The following TSHZ3 variants were observed in gnomAD, a reference collection of about 807,000 sequenced individuals.
The protein encoded by TSHZ3 is teashirt zinc finger homeobox 3.
TSHZ3 carries 10 observed loss-of-function variants against 64.5 expected under a neutral mutation model. That is an observed-to-expected ratio of 0.16 (90% CI 0.10 to 0.26). TSHZ3 has a LOEUF of 0.26. TSHZ3 is among the 10% of genes least tolerant of loss of function. The pLI is 1.00. For missense variants in TSHZ3, 1,242 were observed against 1,421.7 expected, an observed-to-expected ratio of 0.87 and a Z score of 2.03; for synonymous variants, 608 against 593.1, an observed-to-expected ratio of 1.03 and a Z score of -0.36.
chr19:31,254,261 G>T (rs1023282564), intron 1 of TSHZ3, among the ~76,000 whole-genome samples: 4 of 152,204 alleles, frequency 2.6e-5, no homozygotes, highest in Non-Finnish European at 4.4e-5. Context: ...GGTCATGCCT[G>T]GTTAGGGATG....
chr19:31,303,971 T>C (rs1599636878), intron 1 of TSHZ3, among the ~76,000 whole-genome samples: 2 of 123,588 alleles, frequency 1.6e-5, no homozygotes, highest in East Asian at 4.6e-4. Flanking sequence ...CACTCTTTTT[T>C]TTATTTTCAT....
intron 5 of TSHZ3, among the ~76,000 whole-genome samples, chr19:31,188,585 C>A (rs1044034509): frequency 6.7e-6 from 1 of 150,266 alleles, no homozygotes; most frequent in African/African-American, 2.4e-5. Context: ...TGGTTTTTTC[C>A]TTCTTTCATT....
At chr19:31,285,725 A>G (rs917819037) in intron 1 of TSHZ3, among the ~76,000 whole-genome samples, 1 of 130,664 alleles carries the variant, frequency 7.7e-6, no homozygotes, top group Admixed American at 9.2e-5. Context: ...TGGAGACTGC[A>G]GTGAGCTGTG....
intron 5 of TSHZ3, among the ~76,000 whole-genome samples, chr19:31,159,608 G>A (rs1974347294): frequency 6.6e-6 from 1 of 152,160 alleles, no homozygotes; most frequent in South Asian, 2.1e-4. Flanking sequence ...GCTTCAAGAT[G>A]TGAATGTGCT....
intron 1 of TSHZ3, among the ~76,000 whole-genome samples, chr19:31,288,683 C>T (rs944267752): frequency 6.6e-6 from 1 of 152,322 alleles, no homozygotes; most frequent in Non-Finnish European, 1.5e-5. Context: ...GCTGGAACTA[C>T]AGGTAAGCAC....
chr19:31,271,685 C>A (rs899760417), downstream of TSHZ3, among the ~76,000 whole-genome samples: 3 of 152,156 alleles, frequency 2.0e-5, no homozygotes, highest in Non-Finnish European at 4.4e-5. Flanking sequence ...CAGCTGAATG[C>A]TGAAAGGCAT....
intron 5 of TSHZ3, among the ~76,000 whole-genome samples, chr19:31,184,659 A>C (rs952253870): frequency 2.0e-5 from 3 of 152,230 alleles, no homozygotes; most frequent in Non-Finnish European, 4.4e-5. Flanking sequence ...CTCATGAGGT[A>C]GTAAGTGACA....
chr19:31,197,835 C>G (rs1435443981), intron 5 of TSHZ3, among the ~76,000 whole-genome samples: 1 of 151,954 alleles, frequency 6.6e-6, no homozygotes, highest in Non-Finnish European at 1.5e-5. Context: ...AGCACCAGCT[C>G]TAGATGGCTT....
intron 1 of TSHZ3, chr19:31,305,808 C>T (rs1916275385): frequency 6.6e-6 from 1 of 152,294 alleles, no homozygotes; most frequent in East Asian, 1.9e-4. Flanking sequence ...ATAACTGTTT[C>T]TGATACTTCC....
Position 31,330,706 on chromosome 19 carries a change from G to T in TSHZ3, c.40+18474C>A, listed in dbSNP as rs1407389338. ...AGGAGCCAAGTGCTGTTTAATCCTT[G>T]GGCGGGGGGAGGAAAGTCCAGAACA... On this transcript the variant is annotated intron_variant, in intron 1 of 1. Coordinates refer to ENST00000240587, the MANE Select transcript of TSHZ3 (RefSeq NM_020856.4). 1.3e-4 allele frequency among the ~76,000 whole-genome samples: 9 copies of T among 68,086 alleles called. 1 individual carries two copies. In the East Asian group the frequency reaches 1.7e-3, roughly 13 times the overall value. The allele number at this position is 68,086 out of a possible 152,430, so 44.7% of individuals were successfully genotyped here. A position where few individuals can be genotyped will look rare whatever the true frequency, so the allele number is the denominator to read the frequency against.
In TSHZ3 at chr19:31,277,283, G is replaced by A. The variant is rs762214565; in HGVS notation, c.2510C>T (p.Ser837Leu). Residue 837 changes from serine (S) to leucine (L), a missense_variant, in exon 2 of 2, where the codon TCG (serine) becomes TTG (leucine). Transcript: ENST00000240587. This position sits in a 1 kb window ranked among gnomAD's most constrained non-coding sequence, Gnocchi z 4.5. Reference sequence around the variant, plus strand: ...TGACAAGGCATTCTCGCGTAGCGGCGAGTTTGACATGAATGATACGACGGC... The same window carrying A: ...TGACAAGGCATTCTCGCGTAGCGGCAAGTTTGACATGAATGATACGACGGC... Reference protein sequence around the residue: ...TSAVVSFMSNSPLRENALSDI... With the variant: ...TSAVVSFMSNLPLRENALSDI... The A allele has an allele frequency of 3.7e-5, 60 of 1,613,782 alleles. No individual in the cohort carries two copies. The highest frequency in any genetic ancestry group is 4.3e-5 in the Non-Finnish European group (51 of 1,179,784).
chr19:31,167,866 G>T (rs1208043358), intron 5 of TSHZ3: 2 of 152,160 alleles, frequency 1.3e-5, no homozygotes, highest in Non-Finnish European at 1.5e-5. Context: ...CCCTCCCGTC[G>T]CTTCCCTTTA....
intron 1 of TSHZ3, among the ~76,000 whole-genome samples, chr19:31,345,633 G>A (rs1027864810): frequency 6.6e-6 from 1 of 152,094 alleles, no homozygotes; most frequent in Non-Finnish European, 1.5e-5. Flanking sequence ...CCCTTTCAAA[G>A]AATATAGCTT....
intron 3 of TSHZ3, among the ~76,000 whole-genome samples, chr19:31,235,127 G>T (rs1975588518): frequency 6.6e-6 from 1 of 152,140 alleles, no homozygotes; most frequent in African/African-American, 2.4e-5. Flanking sequence ...TATATATCAT[G>T]AAATGATCCC....
At chr19:31,322,010 G>A (rs1693526444) in intron 1 of TSHZ3, among the ~76,000 whole-genome samples, 1 of 152,116 alleles carries the variant, frequency 6.6e-6, no homozygotes, top group Non-Finnish European at 1.5e-5. Flanking sequence ...GCCCCGGTGT[G>A]TGATGTTCCC....
chr19:31,186,351 G>A (rs1599568968), intron 5 of TSHZ3, among the ~76,000 whole-genome samples: 1 of 152,144 alleles, frequency 6.6e-6, no homozygotes, highest in Non-Finnish European at 1.5e-5. Context: ...AATCATGGGG[G>A]GCGGTTACCC....
At chr19:31,345,268 G>C (rs1486645724) in intron 1 of TSHZ3, among the ~76,000 whole-genome samples, 3 of 152,238 alleles carry the variant, frequency 2.0e-5, no homozygotes, top group Non-Finnish European at 4.4e-5. Context: ...CCTGTCCAAG[G>C]AGAAATACGT....
intron 1 of TSHZ3, among the ~76,000 whole-genome samples, chr19:31,254,044 A>G (rs369610462): frequency 6.6e-6 from 1 of 152,074 alleles, no homozygotes; most frequent in African/African-American, 2.4e-5. Flanking sequence ...TACAGAACAG[A>G]CCGGCTCACA....
At chr19:31,346,066 T>C (rs1017623872) in intron 1 of TSHZ3, among the ~76,000 whole-genome samples, 2 of 152,212 alleles carry the variant, frequency 1.3e-5, no homozygotes, top group African/African-American at 4.8e-5. Context: ...AAGCCATACA[T>C]AGTTTCTATC....
Sources: gnomAD v4.1 joint callset for allele counts (sites outside exome capture counted in the v4.1 genomes callset) on GRCh38, gnomAD v4.1.1 for gene constraint, Gnocchi (gnomAD v3.1) non-coding constraint, MANE v1.5 for transcripts, NCBI Gene and HGNC (gene_info 2026-07-23, HGNC 2026-07-21) for gene names.